DST: variants seen among roughly 807,000 people sequenced by gnomAD.
DST encodes bullous pemphigoid antigen.
DST carries 253 observed loss-of-function variants against 875.2 expected under a neutral mutation model. The ratio of observed to expected loss-of-function variants is 0.29; its 90% CI spans 0.26 to 0.32. The LOEUF (loss-of-function observed/expected upper bound fraction) is 0.32. Among genes scored for constraint, DST ranks in the 10% least tolerant of loss-of-function variants. The probability of loss-of-function intolerance (pLI) is 1.00; values close to 1 mark genes in which losing one functional copy is unlikely to be tolerated. For synonymous variants in DST, 3,124 were observed against 3,197.1 expected, an observed-to-expected ratio of 0.98 and a Z score of 0.77; for missense variants, 8,287 against 9,111.6, an observed-to-expected ratio of 0.91 and a Z score of 3.68.
chr6:56,733,487 T>C (rs916719259), intron 5 of DST, among the ~76,000 whole-genome samples: 2 of 152,210 alleles, frequency 1.3e-5, no homozygotes. Flanking sequence ...CCAAGTACTA[T>C]GCTTTATGCT....
intron 4 of DST, among the ~76,000 whole-genome samples, chr6:56,826,977 T>G (rs541443645): frequency 6.6e-6 from 1 of 152,304 alleles, no homozygotes; most frequent in African/African-American, 2.4e-5. Flanking sequence ...TTTAGAAGAC[T>G]GTAACAAGAA....
intron 49 of DST, among the ~76,000 whole-genome samples, chr6:56,586,683 C>T (rs1257686280): frequency 6.6e-6 from 1 of 152,126 alleles, no homozygotes; most frequent in Non-Finnish European, 1.5e-5. Flanking sequence ...ACTGACACCT[C>T]ACACGGCCAG....
chr6:56,897,161 G>A (rs753860839), intron 3 of DST, among the ~76,000 whole-genome samples: 12 of 151,892 alleles, frequency 7.9e-5, no homozygotes, highest in East Asian at 1.9e-4. Flanking sequence ...GATGAGGATC[G>A]GTTTCATTCT....
In DST at chr6:56,553,674, G is replaced by T. The variant is rs368261000; in HGVS notation, c.15137-19C>A. On this transcript the variant is annotated intron_variant, in intron 60 of 103. Transcript: ENST00000680361. ...TGATTCTCTAGAAATAAAATTACAA[G>T]ATATGTTTATTTTACATCAAAATGT... 6 of 1,595,756 alleles carry T rather than the reference G, an allele frequency of 3.8e-6. No individual in the cohort carries two copies. Among genetic ancestry groups the T allele is most frequent in the African/African-American group, 1.3e-5 (1 of 74,274 alleles).
In DST at chr6:56,954,548, T is replaced by C. The variant is rs745896422; in HGVS notation, c.40A>G (p.Ser14Gly). 1.1e-5 allele frequency: 15 copies of C among 1,366,992 alleles called. No homozygotes were observed. The highest frequency in any genetic ancestry group is 1.5e-5 in the African/African-American group (1 of 67,692). 84.7% of individuals were successfully genotyped at this position (1,366,992 alleles called of 1,614,324 possible). ...AAFLVLLRPY[S>G]IQCALFLLLL... is the part of the protein sequence containing the mutation. ...AAGAGGAAGAGGGCACATTGGATGCTGTAGGGTCTCAGCAAGACGAGGAAA... is the reference window on the plus strand; with the variant it reads ...AAGAGGAAGAGGGCACATTGGATGCCGTAGGGTCTCAGCAAGACGAGGAAA... The change falls in exon 1 of 104, where the codon AGC (serine) becomes GGC (glycine). Residue 14 changes from serine (S) to glycine (G), a missense_variant. This residue lies in a region of DST where 1,160 missense variants were observed against 1,424.3 expected (regional missense o/e 0.81). Coordinates refer to ENST00000680361, the MANE Select transcript of DST (RefSeq NM_001374736.1).
chr6:56,786,525 GGTTTT>G (rs534753663), intron 4 of DST, among the ~76,000 whole-genome samples: 4 of 152,014 alleles, frequency 2.6e-5, no homozygotes, highest in Admixed American at 6.6e-5. Flanking sequence ...AGTACCTTTT[GGTTTT>G]GTTTTGTTTT....
intron 86 of DST, 98 bp from the exon 87 acceptor site, chr6:56,487,371 T>A: frequency 9.2e-7 from 1 of 1,081,172 alleles, no homozygotes; most frequent in Non-Finnish European, 1.3e-6. Context: ...GGAGATGAAT[T>A]ATAGATGCTT....
At chr6:56,809,212 T>G (rs2099756887) in intron 4 of DST, among the ~76,000 whole-genome samples, 1 of 152,170 alleles carries the variant, frequency 6.6e-6, no homozygotes, top group African/African-American at 2.4e-5. Context: ...CCCCAAATTC[T>G]TTCTCTGTCT....
chr6:56,654,061 C>T (rs1435708126), intron 10 of DST, among the ~76,000 whole-genome samples: 3 of 152,126 alleles, frequency 2.0e-5, no homozygotes, highest in Non-Finnish European at 4.4e-5. Flanking sequence ...TGACCATGTT[C>T]TCATGTTATA....
intron 63 of DST, among the ~76,000 whole-genome samples, chr6:56,533,046 T>A (rs2096924399): frequency 6.6e-6 from 1 of 152,164 alleles, no homozygotes. Context: ...TTTTACTAGG[T>A]GGAACTGGCT....
At chr6:56,559,017 C>G (rs752372685) in intron 58 of DST, among the ~76,000 whole-genome samples, 1 of 152,142 alleles carries the variant, frequency 6.6e-6, no homozygotes, top group South Asian at 2.1e-4. Flanking sequence ...CACAGTCACT[C>G]GATAAATATT....
chr6:56,471,965 A>G, intron 94 of DST, 94 bp downstream of exon 94: 1 of 1,320,058 alleles, frequency 7.6e-7, no homozygotes, highest in Non-Finnish European at 1.1e-6. Flanking sequence ...TATTATCAGA[A>G]AAGTTAAAAA....
At chr6:56,720,889 C>A (rs920225755) in intron 5 of DST, among the ~76,000 whole-genome samples, 1 of 147,692 alleles carries the variant, frequency 6.8e-6, no homozygotes, top group African/African-American at 2.7e-5. Context: ...GACAGGGTGG[C>A]GGCCGGGCAG....
chr6:56,797,656 T>C (rs755838766), intron 4 of DST, among the ~76,000 whole-genome samples: 2 of 151,806 alleles, frequency 1.3e-5, no homozygotes, highest in African/African-American at 4.8e-5. Flanking sequence ...CTATCTCTAC[T>C]AAAAATACAA....
At chr6:56,482,645 T>C (rs2095439262) in intron 89 of DST, 38 bp downstream of exon 89, 1 of 1,584,200 alleles carries the variant, frequency 6.3e-7, no homozygotes, top group East Asian at 2.3e-5. Flanking sequence ...TTCAATACTT[T>C]TCCCATTACA....
chr6:56,610,931 CACAA>C (rs755212842), intron 38 of DST, among the ~76,000 whole-genome samples: 34 of 152,152 alleles, frequency 2.2e-4, no homozygotes, highest in African/African-American at 4.6e-4. Context: ...TAGACTAAAG[CACAA>C]ACAAAGAGGA....
rs1185373753 is a variant in DST, at chr6:56,570,017, A to G, written c.13722-5T>C. The G allele has an allele frequency of 3.8e-6, 6 of 1,561,120 alleles. No homozygotes were observed. The highest frequency in any genetic ancestry group is 5.2e-6 in the Non-Finnish European group (6 of 1,157,644). On this transcript the variant is annotated splice_region_variant and splice_polypyrimidine_tract_variant and intron_variant, in intron 53 of 103. Coordinates refer to ENST00000680361, the MANE Select transcript of DST (RefSeq NM_001374736.1). The stretch of plus-strand genomic sequence containing the variant: ...CAAGAAGTTACAGCTTCTTTTCTAC[A>G]TAACAAAAATCATACAAGAATTTAA...
intron 3 of DST, among the ~76,000 whole-genome samples, chr6:56,869,507 A>G (rs1775931055): frequency 6.6e-6 from 1 of 152,138 alleles, no homozygotes; most frequent in Non-Finnish European, 1.5e-5. Context: ...AAGCCAGGGA[A>G]GCATGAACTA....
chr6:56,461,793 T>C (rs910942286), intron 102 of DST: 2 of 152,238 alleles, frequency 1.3e-5, no homozygotes, highest in Non-Finnish European at 2.9e-5. Context: ...TTTGCTATAA[T>C]AGATCCATAA....
Sources: gnomAD v4.1 joint callset for allele counts (sites outside exome capture counted in the v4.1 genomes callset) on GRCh38, gnomAD v4.1.1 for gene constraint, gnomAD v4.1.1 regional missense constraint, MANE v1.5 for transcripts, NCBI Gene and HGNC (gene_info 2026-07-23, HGNC 2026-07-21) for gene names.